Variants in GAREM1 observed in about 807,000 individuals in gnomAD.
GAREM1 encodes the protein GRB2-associated and regulator of MAPK protein 1.
A neutral mutation model predicts 71.3 loss-of-function variants in GAREM1; 26 were observed. The observed-to-expected ratio is 0.36, with a 90% confidence interval of 0.27 to 0.51. The LOEUF is 0.51. GAREM1 is among the 20% of genes least tolerant of loss of function. GAREM1 has a pLI of 0.95. For missense variants in GAREM1, 1,026 were observed against 1,103.1 expected (o/e 0.93, Z 0.99); for synonymous variants, 440 against 433.2 (o/e 1.02, Z -0.20).
Position 32,468,326 on chromosome 18 carries a change from C to G in GAREM1, c.121+1982G>C, listed in dbSNP as rs569025124. Among the ~76,000 whole-genome samples the G allele has an allele frequency of 4.6e-5, 7 of 152,242 alleles. No homozygotes were observed. The South Asian group carries it at 1.5e-3, about 32-fold the overall frequency. On this transcript the variant is annotated intron_variant, in intron 1 of 5. Coordinates refer to ENST00000269209, the MANE Select transcript of GAREM1 (RefSeq NM_001242409.2). ...GCTTAGCCCATGGACTCTTTGGCAGCTATTAAAAATCATGTTGACAAAAAT... is the reference window on the plus strand; with the variant it reads ...GCTTAGCCCATGGACTCTTTGGCAGGTATTAAAAATCATGTTGACAAAAAT...
At chr18:32,393,149 C>G in intron 1 of GAREM1, 114 bp from the exon 2 acceptor site, 1 of 977,122 alleles carries the variant, frequency 1.0e-6, no homozygotes, top group Admixed American at 2.7e-5. Flanking sequence ...GACAGTTCAT[C>G]CCAAGATGAG....
At chr18:32,382,242 C>T (rs535159428) in intron 2 of GAREM1, among the ~76,000 whole-genome samples, 1 of 152,252 alleles carries the variant, frequency 6.6e-6, no homozygotes, top group Admixed American at 6.5e-5. Context: ...GACAAACAGT[C>T]ATGGGTGCAA....
At chr18:32,403,836 G>A (rs1246106605) in intron 1 of GAREM1, among the ~76,000 whole-genome samples, 2 of 152,158 alleles carry the variant, frequency 1.3e-5, no homozygotes, top group African/African-American at 2.4e-5. Context: ...CTATGAGTAC[G>A]TGAATCTTAG....
At chr18:32,310,116 C>G in intron 3 of GAREM1, 77 bp downstream of exon 3, 1 of 1,515,118 alleles carries the variant, frequency 6.6e-7, no homozygotes, top group Non-Finnish European at 9.1e-7. Context: ...CAGATGAACA[C>G]TTACTGTGTA....
chr18:32,396,920 T>C (rs1413455159), intron 1 of GAREM1, among the ~76,000 whole-genome samples: 3 of 152,030 alleles, frequency 2.0e-5, no homozygotes, highest in Admixed American at 2.0e-4. Context: ...GGTCGGGTTA[T>C]CCACAAAGGG....
intron 2 of GAREM1, among the ~76,000 whole-genome samples, chr18:32,368,147 C>T (rs1310579287): frequency 2.6e-5 from 4 of 151,888 alleles, no homozygotes; most frequent in African/African-American, 9.7e-5. Flanking sequence ...TTCGTTCCCT[C>T]CTCCCCTCCA....
At chr18:32,391,362 C>A (rs2048196108) in intron 2 of GAREM1, among the ~76,000 whole-genome samples, 1 of 152,180 alleles carries the variant, frequency 6.6e-6, no homozygotes, top group South Asian at 2.1e-4. Context: ...GTCAAAGAAT[C>A]TAGCAGCAGG....
Position 32,289,058 on chromosome 18 carries a change from C to A in GAREM1, c.394-855G>T, listed in dbSNP as rs186483868. 2.4e-3 allele frequency among the ~76,000 whole-genome samples: 361 copies of A among 152,194 alleles called. 2 individuals carry two copies. Among genetic ancestry groups the A allele is most frequent in the African/African-American group, 8.3e-3 (345 of 41,538 alleles). ...ACTAGAAAAACTGCAGGGACAAAAG[C>A]TACGCATATATTTGTTTTTTTGTTT... is the stretch of plus-strand genomic sequence containing the variant. On this transcript the variant is annotated intron_variant, in intron 3 of 5. Coordinates refer to ENST00000269209, the MANE Select transcript of GAREM1 (RefSeq NM_001242409.2).
chr18:32,349,272 T>C (rs1267538959), intron 2 of GAREM1, among the ~76,000 whole-genome samples: 1 of 152,182 alleles, frequency 6.6e-6, no homozygotes, highest in Non-Finnish European at 1.5e-5. Context: ...TCTGTATAAA[T>C]GAGATGTCCA....
At chr18:32,272,996 C>G (rs1257207167) in intron 4 of GAREM1, among the ~76,000 whole-genome samples, 1 of 152,158 alleles carries the variant, frequency 6.6e-6, no homozygotes, top group African/African-American at 2.4e-5. Flanking sequence ...TGCACGGTAG[C>G]CAGATGTGTT....
intron 4 of GAREM1, among the ~76,000 whole-genome samples, chr18:32,274,516 G>A (rs528014382): frequency 2.6e-5 from 4 of 152,210 alleles, no homozygotes; most frequent in South Asian, 2.1e-4. Flanking sequence ...CGCTGTCTCC[G>A]ACGGCTCCCT....
intron 2 of GAREM1, among the ~76,000 whole-genome samples, chr18:32,347,547 A>C (rs2047708501): frequency 6.6e-6 from 1 of 152,152 alleles, no homozygotes; most frequent in Non-Finnish European, 1.5e-5. Context: ...AATAGCACTA[A>C]ATTTAGAAAA....
intron 4 of GAREM1, among the ~76,000 whole-genome samples, chr18:32,273,299 CAATTA>C (rs1319497613): frequency 2.6e-5 from 4 of 152,146 alleles, no homozygotes; most frequent in Non-Finnish European, 4.4e-5. Context: ...CCTGGGATGT[CAATTA>C]TAATATGCTC....
intron 1 of GAREM1, chr18:32,412,527 C>G (rs1193039739): frequency 8.1e-6 from 13 of 1,597,326 alleles, no homozygotes; most frequent in African/African-American, 1.3e-5. Context: ...TCCTCCATGA[C>G]CGAAGTTGTC....
intron 1 of GAREM1, among the ~76,000 whole-genome samples, chr18:32,424,384 T>C (rs1780560372): frequency 6.6e-6 from 1 of 152,210 alleles, no homozygotes; most frequent in African/African-American, 2.4e-5. Context: ...TGGGATTCCA[T>C]TTTTAGAAAG....
At chr18:32,445,450 T>C (rs2048777206) in intron 1 of GAREM1, among the ~76,000 whole-genome samples, 1 of 152,108 alleles carries the variant, frequency 6.6e-6, no homozygotes, top group African/African-American at 2.4e-5. Flanking sequence ...AGCAGTCTGC[T>C]CTTCCAATAG....
chr18:32,332,345 C>T (rs769382875), intron 2 of GAREM1, among the ~76,000 whole-genome samples: 3 of 151,930 alleles, frequency 2.0e-5, no homozygotes, highest in Admixed American at 6.6e-5. Context: ...CACAGAGGCA[C>T]GCCATGTAAC....
chr18:32,370,353 A>G (rs1011113100), intron 2 of GAREM1, among the ~76,000 whole-genome samples: 8 of 151,088 alleles, frequency 5.3e-5, no homozygotes, highest in Non-Finnish European at 1.0e-4. Context: ...ACTTGAACCC[A>G]GGAAGTGGAG....
At chr18:32,288,968 C>G (rs2047053488) in intron 3 of GAREM1, among the ~76,000 whole-genome samples, 1 of 152,288 alleles carries the variant, frequency 6.6e-6, no homozygotes, top group South Asian at 2.1e-4. Flanking sequence ...TTTCCAATGT[C>G]TAGCAATTAT....
Sources: allele counts gnomAD v4.1 joint callset (sites outside exome capture counted in the v4.1 genomes callset), GRCh38; gene constraint gnomAD v4.1.1; transcripts MANE v1.5; gene names NCBI Gene and HGNC (gene_info 2026-07-23, HGNC 2026-07-21).